Variants in ROBO1 observed in about 807,000 individuals in gnomAD.
ROBO1 encodes roundabout guidance receptor 1, also known as roundabout homolog 1.
A neutral mutation model predicts 195.9 loss-of-function variants in ROBO1; 149 were observed. The observed-to-expected ratio is 0.76, with a 90% CI of 0.67 to 0.87. ROBO1 has a LOEUF of 0.87. Among genes scored for constraint, ROBO1 ranks in the 40% least tolerant of loss-of-function variants. The pLI is 0.00. For missense variants in ROBO1, 1,933 were observed against 2,068.3 expected (o/e 0.93, Z 1.27); for synonymous variants, 816 against 733.2 (o/e 1.11, Z -1.82).
In ROBO1 at chr3:79,386,973, T is replaced by C. The variant is rs570985645; in HGVS notation, c.88+202851A>G. Among the ~76,000 whole-genome samples, 4 of 152,278 alleles carry C rather than the reference T, an allele frequency of 2.6e-5. No homozygotes were observed. The East Asian group carries it at 7.7e-4, about 29-fold the overall frequency. ...TACAGTGACTTCTCAGCCAGGGATA[T>C]GTCAGAATGGTGACTTGTCATATAG... On this transcript the variant is annotated intron_variant, in intron 2 of 30. Coordinates refer to ENST00000464233, the MANE Select transcript of ROBO1 (RefSeq NM_002941.4).
At chr3:79,293,320 C>CA (rs1394773964) in intron 2 of ROBO1, among the ~76,000 whole-genome samples, 3 of 151,752 alleles carry the variant, frequency 2.0e-5, no homozygotes, top group African/African-American at 4.8e-5. Flanking sequence ...TTAATCTTTT[C>CA]AAAAAAACAG....
intron 4 of ROBO1, among the ~76,000 whole-genome samples, chr3:78,770,323 A>G (rs1315817914): frequency 6.6e-6 from 1 of 152,148 alleles, no homozygotes; most frequent in Non-Finnish European, 1.5e-5. Context: ...GCCATTCAGA[A>G]TGGTGTGAGA....
At chr3:79,504,687 G>T (rs1459759115) in intron 2 of ROBO1, among the ~76,000 whole-genome samples, 1 of 152,038 alleles carries the variant, frequency 6.6e-6, no homozygotes, top group African/African-American at 2.4e-5. Flanking sequence ...TTAGTGTATT[G>T]GAATGGAAAA....
At chr3:78,617,558 T>C in intron 27 of ROBO1, 77 bp downstream of exon 27, 1 of 1,425,844 alleles carries the variant, frequency 7.0e-7, no homozygotes, top group Non-Finnish European at 9.5e-7. Flanking sequence ...GGACGTAAGA[T>C]CATAGGACAG....
chr3:79,512,430 C>T (rs1940755459), intron 2 of ROBO1, among the ~76,000 whole-genome samples: 1 of 152,144 alleles, frequency 6.6e-6, no homozygotes, highest in African/African-American at 2.4e-5. Context: ...TGCAAAGGAT[C>T]TTACATACAG....
At chr3:79,431,171 C>T (rs1281503086) in intron 2 of ROBO1, among the ~76,000 whole-genome samples, 1 of 152,070 alleles carries the variant, frequency 6.6e-6, no homozygotes, top group Non-Finnish European at 1.5e-5. Flanking sequence ...GGCATGAGGG[C>T]CAGTTGCGTT....
intron 3 of ROBO1, among the ~76,000 whole-genome samples, chr3:79,043,841 C>T (rs2078535728): frequency 6.6e-6 from 1 of 152,032 alleles, no homozygotes; most frequent in Non-Finnish European, 1.5e-5. Context: ...AAGATTTGCT[C>T]TCTATGTCTA....
chr3:78,945,706 C>T (rs565361371), intron 3 of ROBO1, among the ~76,000 whole-genome samples: 64 of 152,062 alleles, frequency 4.2e-4, no homozygotes, highest in Admixed American at 6.5e-4. Flanking sequence ...AGGCTTCAGA[C>T]GATCAAACTA....
intron 1 of ROBO1, among the ~76,000 whole-genome samples, chr3:79,700,916 A>C (rs531697459): frequency 3.3e-5 from 5 of 151,832 alleles, no homozygotes; most frequent in Non-Finnish European, 7.4e-5. Context: ...ACCATTTTAG[A>C]AAGTGTTTCC....
At chr3:79,571,136 T>C (rs1943264356) in intron 2 of ROBO1, among the ~76,000 whole-genome samples, 1 of 152,112 alleles carries the variant, frequency 6.6e-6, no homozygotes, top group African/African-American at 2.4e-5. Flanking sequence ...AATAAAATAT[T>C]GATCATCAGC....
chr3:78,974,544 A>C (rs1421687643), intron 3 of ROBO1, among the ~76,000 whole-genome samples: 1 of 152,096 alleles, frequency 6.6e-6, no homozygotes, highest in African/African-American at 2.4e-5. Context: ...ATGAATTTGT[A>C]CTCTGATACT....
chr3:79,402,433 T>G (rs979608233), intron 2 of ROBO1, among the ~76,000 whole-genome samples: 1 of 151,970 alleles, frequency 6.6e-6, no homozygotes, highest in African/African-American at 2.4e-5. Context: ...TATCTTCCTG[T>G]TGGTAAATAA....
chr3:79,646,362 T>A (rs920078487), intron 1 of ROBO1, among the ~76,000 whole-genome samples: 2 of 152,066 alleles, frequency 1.3e-5, no homozygotes, highest in Admixed American at 6.6e-5. Flanking sequence ...CAATGATATA[T>A]CACCTCAACT....
At chr3:79,717,927 T>C (rs1266420959) in intron 1 of ROBO1, among the ~76,000 whole-genome samples, 1 of 152,044 alleles carries the variant, frequency 6.6e-6, no homozygotes, top group Non-Finnish European at 1.5e-5. Context: ...CAATGCTTTT[T>C]GATTTTTGGA....
At chr3:79,503,922 T>C (rs955400632) in intron 2 of ROBO1, among the ~76,000 whole-genome samples, 2 of 152,186 alleles carry the variant, frequency 1.3e-5, no homozygotes, top group Admixed American at 1.3e-4. Flanking sequence ...ATATTCTTAT[T>C]ATCTACATTT....
At chr3:78,898,823 A>C (rs1289674082) in intron 4 of ROBO1, among the ~76,000 whole-genome samples, 1 of 152,288 alleles carries the variant, frequency 6.6e-6, no homozygotes, top group South Asian at 2.1e-4. Context: ...TTGTGTATAT[A>C]TATGTAAAGT....
At chr3:79,647,198 C>T (rs532081910) in intron 1 of ROBO1, among the ~76,000 whole-genome samples, 1 of 151,942 alleles carries the variant, frequency 6.6e-6, no homozygotes, top group East Asian at 1.9e-4. Context: ...AAAATATGTA[C>T]ATCTATTATA....
At chr3:79,628,748 A>G in intron 1 of ROBO1, among the ~76,000 whole-genome samples, 1 of 152,316 alleles carries the variant, frequency 6.6e-6, no homozygotes, top group East Asian at 1.9e-4. Flanking sequence ...TCTGTCTACA[A>G]GAAACCAACC....
intron 2 of ROBO1, among the ~76,000 whole-genome samples, chr3:79,264,661 A>T (rs2083002933): frequency 6.6e-6 from 1 of 151,974 alleles, no homozygotes; most frequent in Non-Finnish European, 1.5e-5. Context: ...CAGGAATAGG[A>T]TACTTGACTA....
Sources: gnomAD v4.1 joint callset for allele counts (sites outside exome capture counted in the v4.1 genomes callset) on GRCh38, gnomAD v4.1.1 for gene constraint, MANE v1.5 for transcripts, NCBI Gene and HGNC (gene_info 2026-07-23, HGNC 2026-07-21) for gene names.